GPD2: variants seen among roughly 807,000 people sequenced by gnomAD.
GPD2 encodes glycerol-3-phosphate dehydrogenase 2, also known as glycerol-3-phosphate dehydrogenase, mitochondrial.
GPD2 carries 54 observed loss-of-function variants against 82.4 expected under a neutral mutation model. That is an observed-to-expected ratio of 0.66 (90% CI 0.53 to 0.82). GPD2 has a LOEUF of 0.82. Among genes scored for constraint, GPD2 ranks in the 40% least tolerant of loss-of-function variants. The pLI is 0.00. For missense variants in GPD2, 748 were observed against 896.2 expected (o/e 0.83, Z 2.11); for synonymous variants, 288 against 306.1 (o/e 0.94, Z 0.62).
At chr2:156,405,028 A>G in the GPD2 span, among the ~76,000 whole-genome samples, 1 of 152,220 alleles carries the variant, frequency 6.6e-6, no homozygotes, top group Non-Finnish European at 1.5e-5. Context: ...TTCAGGCAAC[A>G]GTGTGACAGA....
upstream of GPD2, among the ~76,000 whole-genome samples, chr2:156,434,999 C>T (rs1431413299): frequency 1.3e-5 from 2 of 152,126 alleles, no homozygotes; most frequent in African/African-American, 2.4e-5. Context: ...GCATTCCACC[C>T]CTCCCTGCCC....
At chr2:156,555,437 GAC>G (rs1558959010) in intron 8 of GPD2, among the ~76,000 whole-genome samples, 3 of 152,016 alleles carry the variant, frequency 2.0e-5, no homozygotes, top group African/African-American at 7.3e-5. Flanking sequence ...TATTATTTTA[GAC>G]ACATCATATG....
chr2:156,462,453 A>ATTTTTTTTTTTT (rs35159143), intron 1 of GPD2, among the ~76,000 whole-genome samples: 2 of 118,188 alleles, frequency 1.7e-5, no homozygotes, highest in Admixed American at 8.8e-5. Flanking sequence ...ACCCGGATAC[A>ATTTTTTTTTTTT]TTTTTTTTTT....
chr2:156,459,773 A>G (rs1331906206), intron 1 of GPD2, among the ~76,000 whole-genome samples: 1 of 151,372 alleles, frequency 6.6e-6, no homozygotes, highest in Non-Finnish European at 1.5e-5. Context: ...AGTCCAGGGA[A>G]GTCTGATGGC....
intron 8 of GPD2, among the ~76,000 whole-genome samples, chr2:156,551,416 G>C (rs1347989909): frequency 6.6e-6 from 1 of 151,992 alleles, no homozygotes; most frequent in Non-Finnish European, 1.5e-5. Context: ...ACATTTGTGT[G>C]GTTCTGGCTA....
chr2:156,516,309 G>A (rs970454724), intron 6 of GPD2, among the ~76,000 whole-genome samples: 2 of 152,136 alleles, frequency 1.3e-5, no homozygotes, highest in Non-Finnish European at 2.9e-5. Flanking sequence ...ATATTGAGGT[G>A]AAATTCAATA....
intron 8 of GPD2, among the ~76,000 whole-genome samples, chr2:156,556,149 A>G (rs1470972581): frequency 7.9e-5 from 12 of 152,182 alleles, no homozygotes; most frequent in Non-Finnish European, 1.8e-4. Flanking sequence ...AAAACATGTT[A>G]AGGGAATGAT....
chr2:156,405,606 G>A, the GPD2 span, among the ~76,000 whole-genome samples: 2 of 152,180 alleles, frequency 1.3e-5, no homozygotes, highest in Admixed American at 6.5e-5. Flanking sequence ...TAGATATACT[G>A]TGTAGTAATC....
At chr2:156,434,920 G>A (rs539082112), upstream of GPD2, among the ~76,000 whole-genome samples, 1 of 152,266 alleles carries the variant, frequency 6.6e-6, no homozygotes, top group Non-Finnish European at 1.5e-5. Context: ...TTTAGAGCCA[G>A]TTTTAAAATA....
chr2:156,496,009 A>C (rs1684357829), intron 2 of GPD2, 35 bp from the exon 3 acceptor site: 1 of 1,556,846 alleles, frequency 6.4e-7, no homozygotes, highest in Non-Finnish European at 8.9e-7. Flanking sequence ...TGACATTCCA[A>C]ATGGACAACT....
upstream of GPD2, among the ~76,000 whole-genome samples, chr2:156,432,987 G>T (rs150394546): frequency 1.3e-5 from 2 of 152,082 alleles, no homozygotes; most frequent in African/African-American, 4.8e-5. Context: ...CCCCAAATTT[G>T]GCAAGAGGAA....
chr2:156,574,408 C>T (rs116293600), intron 13 of GPD2, among the ~76,000 whole-genome samples: 1 of 151,950 alleles, frequency 6.6e-6, no homozygotes, highest in Admixed American at 6.6e-5. Flanking sequence ...GGAGACAGAC[C>T]CAATTCTCAC....
chr2:156,579,813 G>T, intron 16 of GPD2, 25 bp downstream of exon 16: 1 of 1,066,648 alleles, frequency 9.4e-7, no homozygotes, highest in Non-Finnish European at 1.5e-6. Context: ...AAGGAAACAA[G>T]GATATTTGCT....
intron 13 of GPD2, among the ~76,000 whole-genome samples, chr2:156,576,827 A>G (rs1687839362): frequency 6.6e-6 from 1 of 152,194 alleles, no homozygotes; most frequent in Non-Finnish European, 1.5e-5. Context: ...TGTTGCAGGG[A>G]AGCATCAGAG....
chr2:156,571,206 C>G lies in GPD2; in HGVS notation c.1681C>G (p.Leu561Val). 6.2e-7 allele frequency: 1 copy of G among 1,609,360 alleles called. No homozygotes were observed. The highest frequency in any genetic ancestry group is 8.5e-7 in the Non-Finnish European group (1 of 1,175,756). ...TTCACGTCGTACTCGCCTGGCCTTTCTAAATGTCCAGGCAGCAGAGGAAGC... is the reference window on the plus strand; with the variant it reads ...TTCACGTCGTACTCGCCTGGCCTTTGTAAATGTCCAGGCAGCAGAGGAAGC... ...MISRRTRLAFLNVQAAEEALP... is the reference protein window; with the variant it reads ...MISRRTRLAFVNVQAAEEALP... Residue 561 changes from leucine to valine, a missense_variant, in exon 13 of 17, where the codon CTA (leucine) becomes GTA (valine). Physicochemically the swap from Leu to Val is conservative, Grantham distance 32 (BLOSUM62 1). Around this residue, in one of 3 missense-constraint regions of GPD2, gnomAD observed 692 missense variants for 809.7 expected, o/e 0.85. Coordinates refer to ENST00000438166, the MANE Select transcript of GPD2 (RefSeq NM_000408.5).
chr2:156,571,011 CAG>C (rs1687592091), intron 12 of GPD2, 121 bp from the exon 13 acceptor site: 1 of 752,582 alleles, frequency 1.3e-6, no homozygotes, highest in Non-Finnish European at 2.3e-6. Context: ...GCTGGAGGAC[CAG>C]AGAGTATAAA....
chr2:156,575,477 A>G (rs1357081999), intron 13 of GPD2, among the ~76,000 whole-genome samples: 1 of 145,654 alleles, frequency 6.9e-6, no homozygotes, highest in Non-Finnish European at 1.5e-5. Context: ...ATCATGGCTC[A>G]CTACAGCCTC....
the GPD2 span, among the ~76,000 whole-genome samples, chr2:156,404,118 A>G: frequency 6.6e-6 from 1 of 152,200 alleles, no homozygotes; most frequent in Non-Finnish European, 1.5e-5. Context: ...CAGTAATCCT[A>G]GCACTTTGAG....
chr2:156,513,362 G>A lies in GPD2; in HGVS notation c.527G>A (p.Gly176Glu). 4 of 1,611,808 alleles carry A rather than the reference G, an allele frequency of 2.5e-6. No individual in the cohort carries two copies. The highest frequency in any genetic ancestry group is 3.4e-6 in the Non-Finnish European group (4 of 1,179,164). The change falls in exon 6 of 17, where the codon GGA (glycine) becomes GAA (glutamate). Residue 176 changes from glycine (G) to glutamate (E), a missense_variant. Around this residue, in one of 3 missense-constraint regions of GPD2, gnomAD observed 692 missense variants for 809.7 expected, o/e 0.85. Transcript: ENST00000438166. ...TGGCAGTTACCTTACTACTGGGTAG[G>A]AATCAAGCTGTATGATTTGGTTGCA... is the stretch of plus-strand genomic sequence containing the variant. ...KWWQLPYYWV[G>E]IKLYDLVAGS...
Sources: gnomAD v4.1 joint callset for allele counts (sites outside exome capture counted in the v4.1 genomes callset) on GRCh38, gnomAD v4.1.1 for gene constraint, gnomAD v4.1.1 regional missense constraint, MANE v1.5 for transcripts, NCBI Gene and HGNC (gene_info 2026-07-23, HGNC 2026-07-21) for gene names.